The following BCR variants were observed in gnomAD, a reference collection of about 807,000 sequenced individuals.
BCR encodes BCR activator of RhoGEF and GTPase, also known as breakpoint cluster region protein.
In BCR, 58 loss-of-function variants were observed where a neutral mutation model predicts 138.6. The ratio of observed to expected loss-of-function variants is 0.42; its 90% CI spans 0.34 to 0.52. BCR has a LOEUF of 0.52. BCR is among the 20% of genes least tolerant of loss of function. BCR has a pLI of 0.06. For synonymous variants in BCR, 786 were observed against 730.1 expected, an observed-to-expected ratio of 1.08 and a Z score of -1.23; for missense variants, 1,599 against 1,727.2, an observed-to-expected ratio of 0.93 and a Z score of 1.32.
chr22:23,210,497 C>T (rs1357262275), intron 1 of BCR, among the ~76,000 whole-genome samples: 1 of 151,926 alleles, frequency 6.6e-6, no homozygotes, highest in Non-Finnish European at 1.5e-5. Context: ...CACGTATGTG[C>T]ATTCAGGTGT....
At chr22:23,309,588 T>A in intron 17 of BCR, 105 bp downstream of exon 17, 1 of 858,124 alleles carries the variant, frequency 1.2e-6, no homozygotes, top group Non-Finnish European at 1.9e-6. Flanking sequence ...AGGCAGCATC[T>A]GAGAGGGAGC....
At chr22:23,288,621 C>T (rs550966150) in intron 12 of BCR, among the ~76,000 whole-genome samples, 4 of 152,294 alleles carry the variant, frequency 2.6e-5, no homozygotes, top group African/African-American at 7.2e-5. Flanking sequence ...CCTTCCCTGC[C>T]CCAGCAGGTG....
intron 1 of BCR, among the ~76,000 whole-genome samples, chr22:23,245,382 G>A (rs1040378372): frequency 1.3e-5 from 2 of 152,058 alleles, no homozygotes; most frequent in Non-Finnish European, 2.9e-5. Context: ...GGGCAGCTGC[G>A]GCTTTCCATT....
intron 16 of BCR, among the ~76,000 whole-genome samples, chr22:23,304,472 C>T (rs1423759029): frequency 6.6e-6 from 1 of 152,070 alleles, no homozygotes; most frequent in Admixed American, 6.6e-5. Flanking sequence ...TTTATTTCTG[C>T]ATTTACTATT....
intron 1 of BCR, among the ~76,000 whole-genome samples, chr22:23,233,107 T>C (rs1325959359): frequency 6.6e-6 from 1 of 152,212 alleles, no homozygotes; most frequent in Non-Finnish European, 1.5e-5. Context: ...CTTCTATGCC[T>C]TCTGTTGTGT....
Position 23,186,723 on chromosome 22 carries a change from A to AT in BCR, c.1279+4494dup, listed in dbSNP as rs371027662. 4.9e-3 allele frequency among the ~76,000 whole-genome samples: 736 copies of AT among 149,404 alleles called. 5 individuals are homozygous for AT. Among genetic ancestry groups the AT allele is most frequent in the African/African-American group, 0.017 (688 of 40,772 alleles). The stretch of plus-strand genomic sequence containing the variant: ...CCATGTGATGGCAGAAATTGTGTGG[A>AT]TTTTTTTTTTAATGGAGTTTCACTC... On this transcript the variant is annotated intron_variant, in intron 1 of 22. Coordinates refer to ENST00000305877, the MANE Select transcript of BCR (RefSeq NM_004327.4).
At chr22:23,262,376 C>T (rs1005091439) in intron 4 of BCR, among the ~76,000 whole-genome samples, 7 of 152,154 alleles carry the variant, frequency 4.6e-5, no homozygotes, top group Non-Finnish European at 1.0e-4. Flanking sequence ...GTAGGGGGAC[C>T]CCTCCCTCTG....
At chr22:23,313,896 C>G (rs535029765) in intron 20 of BCR, 72 bp from the exon 21 acceptor site, 3 of 1,196,380 alleles carry the variant, frequency 2.5e-6, no homozygotes, top group Non-Finnish European at 3.7e-6. Flanking sequence ...GCCCCAGGTG[C>G]TCCATGTGAA....
At chr22:23,228,876 C>T (rs1043402202) in intron 1 of BCR, among the ~76,000 whole-genome samples, 1 of 152,024 alleles carries the variant, frequency 6.6e-6, no homozygotes, top group South Asian at 2.1e-4. Context: ...CTGCATTTCT[C>T]GGGTCTGTAA....
At chr22:23,276,448 G>A (rs1052789731) in intron 8 of BCR, among the ~76,000 whole-genome samples, 1 of 151,976 alleles carries the variant, frequency 6.6e-6, no homozygotes, top group Admixed American at 6.6e-5. Flanking sequence ...CAAAGGCAGG[G>A]GCCTGGATCT....
At chr22:23,233,579 A>C (rs1037878379) in intron 1 of BCR, among the ~76,000 whole-genome samples, 1 of 152,126 alleles carries the variant, frequency 6.6e-6, no homozygotes, top group African/African-American at 2.4e-5. Flanking sequence ...TTTGAGGTCA[A>C]GAGTTCGAGA....
At chr22:23,309,052 CCAGG>C (rs1180936566) in intron 16 of BCR, among the ~76,000 whole-genome samples, 1 of 152,166 alleles carries the variant, frequency 6.6e-6, no homozygotes, top group African/African-American at 2.4e-5. Context: ...TGCCAGGCCC[CCAGG>C]AGTTGTTACT....
Position 23,267,781 on chromosome 22 carries a change from A to G in BCR, c.1753-627A>G, listed in dbSNP as rs576500801. Among the ~76,000 whole-genome samples the G allele has an allele frequency of 3.2e-3, 481 of 152,292 alleles. 2 individuals are homozygous for G. The highest frequency in any genetic ancestry group is 6.8e-3 in the Middle Eastern group (2 of 294). On this transcript the variant is annotated intron_variant, in intron 4 of 22. Coordinates refer to ENST00000305877, the MANE Select transcript of BCR (RefSeq NM_004327.4). ...AGCTGGAGGTGCAGTGAGGAGATCT[A>G]TTATTGCCATTGGTTTAATAAAGAA...
intron 15 of BCR, 95 bp downstream of exon 15, chr22:23,292,733 G>A: frequency 9.2e-7 from 1 of 1,086,356 alleles, no homozygotes; most frequent in Non-Finnish European, 1.3e-6. Flanking sequence ...CTCCCTGAGG[G>A]CTTCCCCCGA....
intron 4 of BCR, chr22:23,262,902 G>T: frequency 9.2e-7 from 1 of 1,084,336 alleles, no homozygotes. Context: ...TGAGGCGGGA[G>T]CGAGGACACG....
At chr22:23,203,594 G>A (rs1016648450) in intron 1 of BCR, among the ~76,000 whole-genome samples, 5 of 152,190 alleles carry the variant, frequency 3.3e-5, no homozygotes, top group Non-Finnish European at 7.3e-5. Context: ...GAGGAGCCCT[G>A]AGCTGGGGTC....
intron 1 of BCR, among the ~76,000 whole-genome samples, chr22:23,202,698 A>G (rs967870606): frequency 6.8e-6 from 1 of 147,784 alleles, no homozygotes; most frequent in Non-Finnish European, 1.5e-5. Context: ...TTCCTTTTTA[A>G]GCTTGAGTAA....
rs2074060718 is a variant in BCR, at chr22:23,315,498, C to T, written c.3792C>T (p.Ser1264=). The T allele has an allele frequency of 6.8e-6, 11 of 1,612,522 alleles. No individual in the cohort carries two copies. The highest frequency in any genetic ancestry group is 8.5e-6 in the Non-Finnish European group (10 of 1,180,020). The change falls in exon 23 of 23, where the codon AGC becomes AGT. Residue 1264 remains serine, a synonymous_variant. Coordinates refer to ENST00000305877, the MANE Select transcript of BCR (RefSeq NM_004327.4). ...AIPAPDSKRQ[S]ILFSTEV is the part of the protein sequence containing the mutation. Reference sequence around the variant, plus strand: ...CTGCCCCGGACAGCAAGAGACAGAGCATCCTGTTCTCCACCGAAGTCTAAA... The same window carrying T: ...CTGCCCCGGACAGCAAGAGACAGAGTATCCTGTTCTCCACCGAAGTCTAAA...
chr22:23,268,984 T>C (rs1044503617), intron 5 of BCR, among the ~76,000 whole-genome samples: 2 of 152,230 alleles, frequency 1.3e-5, no homozygotes, highest in African/African-American at 4.8e-5. Flanking sequence ...ACCTGTGCTC[T>C]GTGGACCCAT....
Sources: allele counts gnomAD v4.1 joint callset (sites outside exome capture counted in the v4.1 genomes callset), GRCh38; gene constraint gnomAD v4.1.1; transcripts MANE v1.5; gene names NCBI Gene and HGNC (gene_info 2026-07-23, HGNC 2026-07-21).